PTPRF: variants seen among roughly 807,000 people sequenced by gnomAD.
PTPRF encodes the protein protein tyrosine phosphatase receptor type F.
A neutral mutation model predicts 201.8 loss-of-function variants in PTPRF; 59 were observed. The observed-to-expected ratio is 0.29, with a 90% CI of 0.24 to 0.36. PTPRF has a LOEUF of 0.36. Ranked by LOEUF, PTPRF falls within the 10% of genes least tolerant of loss-of-function variation. PTPRF has a pLI of 1.00. For synonymous variants in PTPRF, 1,088 were observed against 1,089.7 expected, an observed-to-expected ratio of 1.00 and a Z score of 0.03; for missense variants, 2,132 against 2,690.5, an observed-to-expected ratio of 0.79 and a Z score of 4.59.
intron 5 of PTPRF, among the ~76,000 whole-genome samples, chr1:43,556,018 A>G (rs1645344761): frequency 1.3e-5 from 2 of 152,200 alleles, no homozygotes; most frequent in Admixed American, 1.3e-4. Context: ...CCTGCCAAGC[A>G]GGGCAGAAGA....
chr1:43,565,333 C>G (rs1430650010), intron 5 of PTPRF, among the ~76,000 whole-genome samples: 1 of 152,204 alleles, frequency 6.6e-6, no homozygotes, highest in Non-Finnish European at 1.5e-5. Context: ...GCAACCAAAC[C>G]TCTCCACGGA....
In PTPRF at chr1:43,554,453, G is replaced by A. The variant is rs565904596; in HGVS notation, c.379+512G>A. 1.3e-5 allele frequency among the ~76,000 whole-genome samples: 2 copies of A among 152,288 alleles called. No homozygotes were observed. Among genetic ancestry groups the A allele is most frequent in the South Asian group, 2.1e-4 (1 of 4,828 alleles). ...ACCACCTTGAAGTCCTCTGAGCACC[G>A]AGGAGGAGGAAGCTGTGTCTAAGCC... On this transcript the variant is annotated intron_variant, in intron 5 of 33. Transcript: ENST00000359947. This position sits in a 1 kb window ranked among gnomAD's most constrained non-coding sequence, Gnocchi z 4.1.
chr1:43,606,255 G>C lies in PTPRF; in HGVS notation c.3499G>C (p.Glu1167Gln), dbSNP rs373597673. ...GCTCTGCCAGCTTCTAGAAGCCATC[G>C]AGCAAGGCGGAGAGGAGCAGCGGCG... ...LELDELLEAI[E>Q]QGGEEQRRRR... The change falls in exon 20 of 34, where the codon GAG (glutamate) becomes CAG (glutamine). Residue 1167 changes from glutamate (E) to glutamine (Q), a missense_variant. Around this residue, in one of 6 missense-constraint regions of PTPRF, gnomAD observed 818 missense variants for 915.3 expected, o/e 0.89. Transcript: ENST00000359947. 2.5e-6 allele frequency: 4 copies of C among 1,613,228 alleles called. No individual in the cohort carries two copies. The highest frequency in any genetic ancestry group is 2.7e-5 in the African/African-American group (2 of 74,924).
chr1:43,560,922 G>A (rs538935077), intron 5 of PTPRF, among the ~76,000 whole-genome samples: 2 of 152,246 alleles, frequency 1.3e-5, no homozygotes, highest in Admixed American at 6.5e-5. Flanking sequence ...TATGCCATGC[G>A]GGCCAGGGAA....
At chr1:43,602,598 G>C (rs1042087555) in intron 14 of PTPRF, among the ~76,000 whole-genome samples, 5 of 149,798 alleles carry the variant, frequency 3.3e-5, no homozygotes, top group African/African-American at 9.8e-5. Flanking sequence ...TACCAGGGTT[G>C]ATGACGGCTC....
At chr1:43,551,080 G>T (rs1350140129) in intron 3 of PTPRF, among the ~76,000 whole-genome samples, 5 of 152,134 alleles carry the variant, frequency 3.3e-5, no homozygotes, top group Non-Finnish European at 7.4e-5. Flanking sequence ...CGGGGTGTCG[G>T]GGGAGGCTGT....
chr1:43,620,398 C>A (rs745383868), intron 30 of PTPRF, 56 bp from the exon 31 acceptor site: 444 of 1,552,130 alleles, frequency 2.9e-4, no homozygotes, highest in Non-Finnish European at 3.8e-4. Context: ...TGAAGCCTGG[C>A]ACCCCTCCCC....
At chr1:43,577,097 G>A (rs1226695757) in intron 6 of PTPRF, among the ~76,000 whole-genome samples, 9 of 152,110 alleles carry the variant, frequency 5.9e-5, no homozygotes, top group Admixed American at 5.9e-4. Context: ...TGTTGCAGAG[G>A]AACCTCCTAT....
intron 10 of PTPRF, 75 bp from the exon 11 acceptor site, chr1:43,592,382 C>T: frequency 5.9e-6 from 9 of 1,528,558 alleles, no homozygotes; most frequent in South Asian, 1.3e-5. Context: ...TGTCACATTG[C>T]AGCCCATGTT....
At chr1:43,598,508 A>AG (rs1652940749) in intron 12 of PTPRF, 8 of 561,242 alleles carry the variant, frequency 1.4e-5, no homozygotes, top group Non-Finnish European at 3.1e-6. Context: ...CCTGGGCCAG[A>AG]GGGGTGGGCA....
rs1340478007 is a variant in PTPRF, at chr1:43,623,597, T to G, written c.*1594T>G. 1 of 152,638 alleles carries G rather than the reference T, an allele frequency of 6.6e-6. No homozygotes were observed. Among genetic ancestry groups the G allele is most frequent in the Non-Finnish European group, 1.5e-5 (1 of 68,038 alleles). The allele number at this position is 152,638 out of a possible 1,614,324, so 9.5% of individuals were successfully genotyped here. A position where few individuals can be genotyped will look rare whatever the true frequency, so the allele number is the denominator to read the frequency against. ...TGTACACAGTCTGTTTTCTATTTGTTAAGAAAAACTACAGCATCATTGCAT... is the reference window on the plus strand; with the variant it reads ...TGTACACAGTCTGTTTTCTATTTGTGAAGAAAAACTACAGCATCATTGCAT... On this transcript the variant is annotated 3_prime_UTR_variant, in exon 34 of 34. Transcript: ENST00000359947.
chr1:43,606,094 AG>A (rs931202910), intron 19 of PTPRF, 145 bp from the exon 20 acceptor site: 121 of 820,944 alleles, frequency 1.5e-4, no homozygotes, highest in Admixed American at 2.0e-4. Context: ...GTTACTCTGT[AG>A]GGGCAGTGGG....
At chr1:43,534,900 G>T (rs1331456771) in intron 1 of PTPRF, among the ~76,000 whole-genome samples, 1 of 152,160 alleles carries the variant, frequency 6.6e-6, no homozygotes, top group Non-Finnish European at 1.5e-5. Context: ...TTCCTCATTT[G>T]TCAAATGATT....
chr1:43,550,037 T>C (rs1644919490), intron 3 of PTPRF, among the ~76,000 whole-genome samples: 1 of 152,076 alleles, frequency 6.6e-6, no homozygotes. Context: ...TCTCCTGTGC[T>C]GTGTCCTGCG....
At chr1:43,620,065 C>G in intron 29 of PTPRF, 30 bp from the exon 30 acceptor site, 1 of 1,612,858 alleles carries the variant, frequency 6.2e-7, no homozygotes, top group Non-Finnish European at 8.5e-7. Flanking sequence ...AGCAGCACCT[C>G]CAGCATGTCC....
At position 43,534,533 on chromosome 1, in the gene PTPRF, C is replaced by T. The variant is rs574770814; in HGVS notation, c.-126+3443C>T. Among the ~76,000 whole-genome samples, 15 of 152,204 alleles carry T rather than the reference C, an allele frequency of 9.9e-5. No homozygotes were observed. In the South Asian group the frequency reaches 2.7e-3, roughly 27 times the overall value. On this transcript the variant is annotated intron_variant, in intron 1 of 33. Transcript: ENST00000359947. ...GAGGAAGAGGAAGGAGTCCAGGTTC[C>T]TCGGAGTGGTTGAGCGGGCCTTCAC...
chr1:43,539,721 A>T (rs891405495), intron 2 of PTPRF, among the ~76,000 whole-genome samples: 1 of 152,062 alleles, frequency 6.6e-6, no homozygotes, highest in Non-Finnish European at 1.5e-5. Flanking sequence ...TCCTCAGATG[A>T]TGGTCTGACC....
chr1:43,582,420 C>T (rs903063757), intron 7 of PTPRF: 1 of 152,332 alleles, frequency 6.6e-6, no homozygotes, highest in Non-Finnish European at 1.5e-5. Context: ...TTCTCCTTCA[C>T]CACCTGACTC....
At chr1:43,533,198 C>T (rs1041735031) in intron 1 of PTPRF, among the ~76,000 whole-genome samples, 1 of 152,052 alleles carries the variant, frequency 6.6e-6, no homozygotes, top group Admixed American at 6.5e-5. Context: ...TCCTCCCTTT[C>T]TTCCTTCTTC....
Sources: gnomAD v4.1 joint callset for allele counts (sites outside exome capture counted in the v4.1 genomes callset) on GRCh38, gnomAD v4.1.1 for gene constraint, gnomAD v4.1.1 regional missense constraint, Gnocchi (gnomAD v3.1) non-coding constraint, MANE v1.5 for transcripts, NCBI Gene and HGNC (gene_info 2026-07-23, HGNC 2026-07-21) for gene names.